PAMR1: variants seen among roughly 807,000 people sequenced by gnomAD.
PAMR1 encodes inactive serine protease PAMR1.
In PAMR1, 88 loss-of-function variants were observed where a neutral mutation model predicts 81.8. The observed-to-expected ratio is 1.08, with a 90% CI of 0.91 to 1.28. The LOEUF (loss-of-function observed/expected upper bound fraction) is 1.28. Ranked by LOEUF, PAMR1 falls within the 50% of genes most tolerant of loss-of-function variation. The probability of loss-of-function intolerance (pLI) is 0.00; values close to 1 mark genes in which losing one functional copy is unlikely to be tolerated. For missense variants in PAMR1, 935 were observed against 919.7 expected (o/e 1.02, Z -0.21); for synonymous variants, 336 against 345.3 (o/e 0.97, Z 0.30).
At chr11:35,478,389 T>C (rs1378861811) in intron 3 of PAMR1, among the ~76,000 whole-genome samples, 1 of 152,170 alleles carries the variant, frequency 6.6e-6, no homozygotes, top group African/African-American at 2.4e-5. Flanking sequence ...TCTAAACACA[T>C]GCAACATCTC....
rs78707530 is a variant in PAMR1, at chr11:35,449,555, G to A, written c.821-7862C>T. On this transcript the variant is annotated intron_variant, in intron 6 of 10. Coordinates refer to ENST00000619888, the MANE Select transcript of PAMR1 (RefSeq NM_001001991.3). ...GAATTCTTCTCTGTCCAAACCGTCC[G>A]ATCTTTCTGGACCAGCAGGGGAAAA... Among the ~76,000 whole-genome samples the A allele has an allele frequency of 7.4e-4, 112 of 152,294 alleles. No homozygotes were observed. In the East Asian group the frequency reaches 0.017, roughly 23 times the overall value.
intron 8 of PAMR1, 169 bp from the exon 9 acceptor site, chr11:35,436,304 G>A (rs1856042809): frequency 3.4e-6 from 2 of 594,076 alleles, no homozygotes; most frequent in Non-Finnish European, 6.0e-6. Context: ...TTTTGAGGCA[G>A]GGTCTCCCTC....
intron 1 of PAMR1, among the ~76,000 whole-genome samples, chr11:35,507,895 C>T (rs1397960461): frequency 2.0e-5 from 3 of 151,012 alleles, no homozygotes; most frequent in African/African-American, 7.3e-5. Flanking sequence ...AAACAGAAAA[C>T]TGCCTGTTCC....
chr11:35,527,908 A>C (rs1430907513), upstream of PAMR1, among the ~76,000 whole-genome samples: 1 of 152,108 alleles, frequency 6.6e-6, no homozygotes, highest in Non-Finnish European at 1.5e-5. Context: ...GAACAAAATG[A>C]AAACTTTTAT....
At chr11:35,527,323 A>C (rs545759155), upstream of PAMR1, among the ~76,000 whole-genome samples, 1 of 152,208 alleles carries the variant, frequency 6.6e-6, no homozygotes, top group Non-Finnish European at 1.5e-5. Flanking sequence ...TCACTGGAAG[A>C]ATTTAATAAG....
chr11:35,457,871 G>A (rs1856567995), intron 6 of PAMR1, among the ~76,000 whole-genome samples: 1 of 152,154 alleles, frequency 6.6e-6, no homozygotes, highest in Non-Finnish European at 1.5e-5. Flanking sequence ...ACAGAGGAAG[G>A]GATATGAGTT....
rs2135378922 is a variant in PAMR1, at chr11:35,470,794, A to G, written c.519T>C (p.Phe173=). 2 of 1,614,014 alleles carry G rather than the reference A, an allele frequency of 1.2e-6. No individual in the cohort carries two copies. The highest frequency in any genetic ancestry group is 2.2e-5 in the South Asian group (2 of 91,070). The change falls in exon 5 of 11, where the codon TTT becomes TTC. Residue 173 remains phenylalanine, a synonymous_variant. Transcript: ENST00000619888. ...QLRFVMLSLE[F]DYMCQYDYVE... is the part of the protein sequence containing the mutation. ...CATAGTCATACTGGCACATGTAGTC[A>G]AACTCCAGGCTCAACATGACAAATC...
chr11:35,441,922 A>G (rs566769686), intron 6 of PAMR1, among the ~76,000 whole-genome samples: 29 of 152,322 alleles, frequency 1.9e-4, no homozygotes, highest in African/African-American at 6.5e-4. Flanking sequence ...ATATAAATAA[A>G]TTTGATGCCA....
At position 35,439,826 on chromosome 11, in the gene PAMR1, T is replaced by C. The variant is rs1856127828; in HGVS notation, c.1034-133A>G. On this transcript the variant is annotated intron_variant, in intron 7 of 10. Transcript: ENST00000619888. Reference sequence around the variant, plus strand: ...TCCCCAGGCTCTCAGAGGCAAGACATGTCAGCCAAGCTTGAACATCTCACT... The same window carrying C: ...TCCCCAGGCTCTCAGAGGCAAGACACGTCAGCCAAGCTTGAACATCTCACT... The C allele has an allele frequency of 4.2e-6, 3 of 711,842 alleles. No individual in the cohort carries two copies. In the East Asian group the frequency reaches 7.8e-5, roughly 18 times the overall value. The allele number at this position is 711,842 out of a possible 1,614,324, so 44.1% of individuals were successfully genotyped here.
intron 4 of PAMR1, among the ~76,000 whole-genome samples, chr11:35,473,341 T>C (rs757694741): frequency 6.6e-6 from 1 of 152,172 alleles, no homozygotes; most frequent in African/African-American, 2.4e-5. Context: ...TCCTCCACCG[T>C]TTTGCTATTT....
chr11:35,501,802 T>A (rs997888607), intron 1 of PAMR1, among the ~76,000 whole-genome samples: 1 of 152,210 alleles, frequency 6.6e-6, no homozygotes, highest in Admixed American at 6.5e-5. Context: ...CCCTTATATA[T>A]AGGCACCACA....
At chr11:35,516,588 A>T (rs1851167005) in intron 1 of PAMR1, among the ~76,000 whole-genome samples, 1 of 152,222 alleles carries the variant, frequency 6.6e-6, no homozygotes, top group Non-Finnish European at 1.5e-5. Context: ...GTGTTGCATG[A>T]CAACAAGAAC....
At chr11:35,433,514 A>G (rs901626447) in intron 10 of PAMR1, among the ~76,000 whole-genome samples, 1 of 152,190 alleles carries the variant, frequency 6.6e-6, no homozygotes, top group Non-Finnish European at 1.5e-5. Flanking sequence ...ATGTTTATGT[A>G]TATGTTCTAT....
At chr11:35,436,255 G>C in intron 8 of PAMR1, 120 bp from the exon 9 acceptor site, 1 of 662,070 alleles carries the variant, frequency 1.5e-6, no homozygotes, top group Admixed American at 2.6e-5. Context: ...AAAAATCTCT[G>C]TCTCTGTCTC....
intron 6 of PAMR1, among the ~76,000 whole-genome samples, chr11:35,445,160 G>C (rs1470025553): frequency 6.6e-6 from 1 of 152,082 alleles, no homozygotes; most frequent in Non-Finnish European, 1.5e-5. Flanking sequence ...TTGATGTATA[G>C]GAATGCTTAT....
chr11:35,520,845 C>G (rs762240497), intron 1 of PAMR1, among the ~76,000 whole-genome samples: 10 of 152,218 alleles, frequency 6.6e-5, no homozygotes, highest in Non-Finnish European at 1.2e-4. Flanking sequence ...ATTGGCCACC[C>G]CAGTGGGGCA....
intron 6 of PAMR1, among the ~76,000 whole-genome samples, chr11:35,455,753 GAAT>G (rs1322541043): frequency 5.3e-5 from 8 of 152,024 alleles, no homozygotes; most frequent in Non-Finnish European, 1.2e-4. Context: ...GTGCCCAGCT[GAAT>G]AAGCCATTAG....
Position 35,439,190 on chromosome 11 carries a change from T to C in PAMR1, c.1100+437A>G, listed in dbSNP as rs978256708. ...TGCATGGCTGGTCATTTGTCTCTAG[T>C]TCTTGGGCTCCCCCAGCCTGCCTCA... On this transcript the variant is annotated intron_variant, in intron 8 of 10. Transcript: ENST00000619888. 3.3e-5 allele frequency among the ~76,000 whole-genome samples: 5 copies of C among 152,218 alleles called. No homozygotes were observed. In the South Asian group the frequency reaches 1.0e-3, roughly 32 times the overall value.
In PAMR1 at chr11:35,432,018, C is replaced by T. The variant is rs1021193097; in HGVS notation, c.*338G>A. On this transcript the variant is annotated 3_prime_UTR_variant, in exon 11 of 11. Coordinates refer to ENST00000619888, the MANE Select transcript of PAMR1 (RefSeq NM_001001991.3). ...AAAAGGGGCCTCATGAAGCCCAGAT[C>T]TTCCCTGGTCAAGCTGATGGCATTC... 15 of 274,980 alleles carry T rather than the reference C, an allele frequency of 5.5e-5. No homozygotes were observed. The highest frequency in any genetic ancestry group is 2.6e-4 in the African/African-American group (12 of 45,420). The allele number at this position is 274,980 out of a possible 1,614,324, so 17.0% of individuals were successfully genotyped here.
Sources: gnomAD v4.1 joint callset for allele counts (sites outside exome capture counted in the v4.1 genomes callset) on GRCh38, gnomAD v4.1.1 for gene constraint, MANE v1.5 for transcripts, NCBI Gene and HGNC (gene_info 2026-07-23, HGNC 2026-07-21) for gene names.